Variants in PCDHA7 observed in about 807,000 individuals in gnomAD.
The protein encoded by PCDHA7 is protocadherin alpha 7.
A neutral mutation model predicts 57.2 loss-of-function variants in PCDHA7; 37 were observed. The ratio of observed to expected loss-of-function variants is 0.65; its 90% CI spans 0.50 to 0.85. PCDHA7 has a LOEUF of 0.85. Ranked by LOEUF, PCDHA7 falls within the 40% of genes least tolerant of loss-of-function variation. The probability of loss-of-function intolerance (pLI) is 0.00; values close to 1 mark genes in which losing one functional copy is unlikely to be tolerated. For missense variants in PCDHA7, 1,188 were observed against 1,241.8 expected (o/e 0.96, Z 0.65); for synonymous variants, 553 against 558.8 (o/e 0.99, Z 0.15).
intron 3 of PCDHA7, among the ~76,000 whole-genome samples, chr5:141,003,441 AGAT>A (rs2098125025): frequency 6.6e-6 from 1 of 152,122 alleles, no homozygotes; most frequent in Non-Finnish European, 1.5e-5. Context: ...CCTCCCAAGT[AGAT>A]GAAATTACAG....
At chr5:140,998,722 G>A (rs572133347) in intron 3 of PCDHA7, among the ~76,000 whole-genome samples, 4 of 152,002 alleles carry the variant, frequency 2.6e-5, no homozygotes, top group Non-Finnish European at 4.4e-5. Flanking sequence ...GCACCACCAC[G>A]CTAGGCTAAT....
At position 141,010,166 on chromosome 5, in the gene PCDHA7, A is replaced by T; in HGVS notation, c.*229A>T. 1 of 1,562,828 alleles carries T rather than the reference A, an allele frequency of 6.4e-7. No individual in the cohort carries two copies. On this transcript the variant is annotated 3_prime_UTR_variant, in exon 4 of 4. Coordinates refer to ENST00000525929, the MANE Select transcript of PCDHA7 (RefSeq NM_018910.3). ...TCTCTCCACTCTGGCTTGTTTTCAG[A>T]ACCTAAAAAGCAGACCCAAGTTTCC... is the stretch of plus-strand genomic sequence containing the variant.
intron 1 of PCDHA7, among the ~76,000 whole-genome samples, chr5:140,837,759 C>T (rs1554136626): frequency 6.6e-6 from 1 of 151,774 alleles, no homozygotes; most frequent in Non-Finnish European, 1.5e-5. Context: ...CCACTGCAAC[C>T]TGAAAGTCCT....
chr5:140,881,232 C>A, intron 1 of PCDHA7: 2 of 318,074 alleles, frequency 6.3e-6, no homozygotes, highest in Non-Finnish European at 9.1e-6. Context: ...AAATTAAAGT[C>A]AATTTAAATG....
At chr5:140,852,885 A>T in intron 1 of PCDHA7, 5 of 778,116 alleles carry the variant, frequency 6.4e-6, no homozygotes, top group Non-Finnish European at 7.9e-6. Context: ...CATAAAACGT[A>T]TTTTTTTTTT....
chr5:140,960,792 C>T (rs2095571018), intron 1 of PCDHA7, among the ~76,000 whole-genome samples: 1 of 151,986 alleles, frequency 6.6e-6, no homozygotes, highest in South Asian at 2.1e-4. Context: ...AACAAGGTTT[C>T]TATTAAAATA....
rs560557725 is a variant in PCDHA7, at chr5:141,005,418, G to T, written c.2504-4209G>T. Among the ~76,000 whole-genome samples, 149 of 152,250 alleles carry T rather than the reference G, an allele frequency of 9.8e-4. 1 individual carries two copies. The highest frequency in any genetic ancestry group is 3.5e-3 in the African/African-American group (145 of 41,544). On this transcript the variant is annotated intron_variant, in intron 3 of 3. Transcript: ENST00000525929. ...ACAGACTTGAAGAGTGAGGAGTCAT[G>T]CTAAGAATGGATGAGAGGCTCACGC...
chr5:140,978,989 T>G lies in PCDHA7; in HGVS notation c.2396T>G (p.Leu799Arg). 1 of 1,614,212 alleles carries G rather than the reference T, an allele frequency of 6.2e-7. No individual in the cohort carries two copies. Among genetic ancestry groups the G allele is most frequent in the Non-Finnish European group, 8.5e-7 (1 of 1,180,034 alleles). Residue 799 changes from leucine to arginine, a missense_variant, in exon 2 of 4, where the codon CTG (leucine) becomes CGG (arginine). Transcript: ENST00000525929. Reference protein sequence around the residue: ...PNPDWRYSASLRAGMHSSVHL... With the variant: ...PNPDWRYSASRRAGMHSSVHL... ...CCTGACTGGCGTTACTCTGCCTCCC[T>G]GAGAGCAGGCATGCACAGGTATGTA...
chr5:140,939,349 TA>T (rs1233387801), intron 1 of PCDHA7, among the ~76,000 whole-genome samples: 4 of 152,154 alleles, frequency 2.6e-5, no homozygotes, highest in Admixed American at 6.5e-5. Context: ...CATTTCAACT[TA>T]TGATTGCAAA....
At chr5:140,966,868 G>A (rs781853403) in intron 1 of PCDHA7, 47 of 1,580,198 alleles carry the variant, frequency 3.0e-5, no homozygotes, top group Non-Finnish European at 3.7e-5. Flanking sequence ...TGTTGCTGCT[G>A]CTGCTACCTG....
chr5:140,886,014 CTA>C (rs1317969139), intron 1 of PCDHA7, among the ~76,000 whole-genome samples: 1 of 152,078 alleles, frequency 6.6e-6, no homozygotes, highest in Non-Finnish European at 1.5e-5. Flanking sequence ...AAGGGAGATG[CTA>C]TGTATTCTTC....
intron 1 of PCDHA7, chr5:140,883,838 GA>G: frequency 6.2e-7 from 1 of 1,612,738 alleles, no homozygotes; most frequent in Non-Finnish European, 8.5e-7. Context: ...GCAGCCGTTG[GA>G]CCACGAGGAG....
intron 1 of PCDHA7, among the ~76,000 whole-genome samples, chr5:140,923,821 G>A (rs1009668330): frequency 1.3e-5 from 2 of 152,148 alleles, no homozygotes; most frequent in African/African-American, 2.4e-5. Flanking sequence ...GAAAATAGAC[G>A]TCAGTGGCAG....
chr5:140,898,033 GTTGT>G (rs2066486498), intron 1 of PCDHA7, among the ~76,000 whole-genome samples: 1 of 152,032 alleles, frequency 6.6e-6, no homozygotes, highest in South Asian at 2.1e-4. Flanking sequence ...TTTTGATGGG[GTTGT>G]TTGTTTTTTT....
At chr5:140,990,109 T>C (rs2097374572) in intron 3 of PCDHA7, among the ~76,000 whole-genome samples, 1 of 151,886 alleles carries the variant, frequency 6.6e-6, no homozygotes, top group African/African-American at 2.4e-5. Context: ...AAACAGGAAA[T>C]TGAGAGCTCT....
intron 1 of PCDHA7, chr5:140,928,615 A>T: frequency 6.2e-7 from 1 of 1,614,276 alleles, no homozygotes. Flanking sequence ...CCGCTCTGCC[A>T]GGACTGGACA....
intron 1 of PCDHA7, chr5:140,882,792 A>C (rs367665995): frequency 6.2e-7 from 1 of 1,614,144 alleles, no homozygotes; most frequent in Non-Finnish European, 8.5e-7. Flanking sequence ...CTGGATCCCA[A>C]CGATTATTTC....
Position 140,835,574 on chromosome 5 carries a change from G to T in PCDHA7, c.1191G>T (p.Leu397Phe), listed in dbSNP as rs1192023261. Residue 397 changes from leucine (L) to phenylalanine (F), a missense_variant, in exon 1 of 4, where the codon TTG (leucine) becomes TTT (phenylalanine). Around this residue, in one of 3 missense-constraint regions of PCDHA7, gnomAD observed 892 missense variants for 788.5 expected, o/e 1.13. Coordinates refer to ENST00000525929, the MANE Select transcript of PCDHA7 (RefSeq NM_018910.3). Reference sequence around the variant, plus strand: ...TGACGCCCCGCGTTCCCTTCAAGTTGGTGTCCACCTTCAAGAATTACTATT... The same window carrying T: ...TGACGCCCCGCGTTCCCTTCAAGTTTGTGTCCACCTTCAAGAATTACTATT... Reference protein sequence around the residue: ...CSLTPRVPFKLVSTFKNYYSL... With the variant: ...CSLTPRVPFKFVSTFKNYYSL... The T allele has an allele frequency of 1.2e-6, 2 of 1,613,868 alleles. No individual in the cohort carries two copies. The highest frequency in any genetic ancestry group is 1.7e-5 in the Admixed American group (1 of 60,006).
At chr5:140,991,109 C>A (rs987847767) in intron 3 of PCDHA7, among the ~76,000 whole-genome samples, 1 of 152,156 alleles carries the variant, frequency 6.6e-6, no homozygotes, top group Non-Finnish European at 1.5e-5. Flanking sequence ...AATTAAGTGG[C>A]TTTCTTACAT....
Sources: gnomAD v4.1 joint callset for allele counts (sites outside exome capture counted in the v4.1 genomes callset) on GRCh38, gnomAD v4.1.1 for gene constraint, gnomAD v4.1.1 regional missense constraint, MANE v1.5 for transcripts, NCBI Gene and HGNC (gene_info 2026-07-23, HGNC 2026-07-21) for gene names.